The following PPP4R4 variants were observed in gnomAD, a reference collection of about 807,000 sequenced individuals.
PPP4R4 encodes the protein protein phosphatase 4 regulatory subunit 4.
Under a neutral mutation model 121.8 loss-of-function variants are expected in PPP4R4, and 70 were observed. The observed-to-expected ratio is 0.57, with a 90% confidence interval of 0.47 to 0.70. PPP4R4 has a LOEUF of 0.70. Among genes scored for constraint, PPP4R4 ranks in the 30% least tolerant of loss-of-function variants. The pLI is 0.00. For synonymous variants in PPP4R4, 348 were observed against 355.7 expected (o/e 0.98, Z 0.24); for missense variants, 875 against 1,033.6 (o/e 0.85, Z 2.10).
Position 94,244,724 on chromosome 14 carries a change from T to G in PPP4R4, c.1344+12T>G, listed in dbSNP as rs760413374. On this transcript the variant is annotated intron_variant, in intron 12 of 24. Coordinates refer to ENST00000304338, the MANE Select transcript of PPP4R4 (RefSeq NM_058237.2). ...ATGAATCACTGGAGGTAATATTTTC[T>G]TACTCTTTGATTTTTAATTCTTTTA... 5 of 1,486,378 alleles carry G rather than the reference T, an allele frequency of 3.4e-6. No homozygotes were observed. The South Asian group carries it at 4.9e-5, about 15-fold the overall frequency. The allele number at this position is 1,486,378 out of a possible 1,614,324, so 92.1% of individuals were successfully genotyped here.
At chr14:94,219,784 T>C (rs1475447879) in intron 3 of PPP4R4, among the ~76,000 whole-genome samples, 1 of 152,048 alleles carries the variant, frequency 6.6e-6, no homozygotes, top group Non-Finnish European at 1.5e-5. Context: ...TATGACAAAA[T>C]CCAACAACTA....
At chr14:94,218,707 A>G (rs1444820847) in intron 3 of PPP4R4, among the ~76,000 whole-genome samples, 1 of 129,340 alleles carries the variant, frequency 7.7e-6, no homozygotes, top group Non-Finnish European at 1.6e-5. Flanking sequence ...GCGCGCGCGC[A>G]CACACCCTCA....
chr14:94,264,856 C>A (rs1054606006), intron 19 of PPP4R4, 22 bp from the exon 20 acceptor site: 21 of 1,550,190 alleles, frequency 1.4e-5, no homozygotes, highest in Non-Finnish European at 1.7e-5. Flanking sequence ...ACCTTTAATG[C>A]AAGATACTGT....
chr14:94,202,479 G>C (rs1206633052), intron 2 of PPP4R4, among the ~76,000 whole-genome samples: 1 of 152,172 alleles, frequency 6.6e-6, no homozygotes, highest in Non-Finnish European at 1.5e-5. Context: ...TGACTTGGGG[G>C]AAAGTATTCT....
chr14:94,233,823 T>C, intron 6 of PPP4R4, 64 bp downstream of exon 6: 1 of 1,036,852 alleles, frequency 9.6e-7, no homozygotes, highest in Non-Finnish European at 1.5e-6. Context: ...ATAATGACTG[T>C]GTAACAATAT....
At chr14:94,278,586 T>A in intron 24 of PPP4R4, 33 bp from the exon 25 acceptor site, 1 of 1,460,466 alleles carries the variant, frequency 6.8e-7, no homozygotes, top group Non-Finnish European at 9.5e-7. Context: ...TTCCCCACCC[T>A]CCCTCTCTTC....
At chr14:94,193,829 T>C (rs1410324741) in intron 2 of PPP4R4, among the ~76,000 whole-genome samples, 1 of 152,220 alleles carries the variant, frequency 6.6e-6, no homozygotes, top group East Asian at 1.9e-4. Flanking sequence ...AATGGGTTGC[T>C]GATATGAAGT....
At chr14:94,264,636 T>C (rs1893943496) in intron 19 of PPP4R4, among the ~76,000 whole-genome samples, 1 of 152,184 alleles carries the variant, frequency 6.6e-6, no homozygotes, top group Non-Finnish European at 1.5e-5. Flanking sequence ...AGGGTAATTA[T>C]TACAATGATA....
intron 7 of PPP4R4, among the ~76,000 whole-genome samples, chr14:94,235,217 C>G (rs1892269088): frequency 6.6e-6 from 1 of 152,008 alleles, no homozygotes. Flanking sequence ...AAAGTCTGTA[C>G]ATGTTCAGTA....
At position 94,184,066 on chromosome 14, in the gene PPP4R4, C is replaced by T. The variant is rs1004932519; in HGVS notation, c.191+7939C>T. Reference sequence around the variant, plus strand: ...CAATTAATTCATCCCAACGCTCCCTCTTGAGAAGTAGCTAAGTGAGACACA... The same window carrying T: ...CAATTAATTCATCCCAACGCTCCCTTTTGAGAAGTAGCTAAGTGAGACACA... On this transcript the variant is annotated intron_variant, in intron 2 of 24. Coordinates refer to ENST00000304338, the MANE Select transcript of PPP4R4 (RefSeq NM_058237.2). Among the ~76,000 whole-genome samples, 10 of 152,120 alleles carry T rather than the reference C, an allele frequency of 6.6e-5. 1 individual carries two copies. Among genetic ancestry groups the T allele is most frequent in the Non-Finnish European group, 1.3e-4 (9 of 68,028 alleles).
chr14:94,260,379 T>C (rs1287960062), intron 19 of PPP4R4, among the ~76,000 whole-genome samples: 1 of 152,072 alleles, frequency 6.6e-6, no homozygotes, highest in African/African-American at 2.4e-5. Context: ...TGAACCGTGG[T>C]TGTGCCACTG....
At chr14:94,181,325 G>C (rs900316614) in intron 2 of PPP4R4, among the ~76,000 whole-genome samples, 2 of 152,084 alleles carry the variant, frequency 1.3e-5, no homozygotes, top group African/African-American at 4.8e-5. Flanking sequence ...AGGTGGTCTT[G>C]AGTGACCAGT....
intron 19 of PPP4R4, among the ~76,000 whole-genome samples, chr14:94,262,954 C>G (rs1245434394): frequency 6.6e-6 from 1 of 152,066 alleles, no homozygotes; most frequent in African/African-American, 2.4e-5. Flanking sequence ...GTCTTCTGGC[C>G]ACCATAACAT....
At chr14:94,259,460 C>A in intron 19 of PPP4R4, 91 bp downstream of exon 19, 1 of 1,355,736 alleles carries the variant, frequency 7.4e-7, no homozygotes, top group Non-Finnish European at 9.6e-7. Flanking sequence ...TCCATTTCAC[C>A]ATTTCACATT....
chr14:94,278,785 CATAATG>C lies in PPP4R4; in HGVS notation c.*144_*149del. On this transcript the variant is annotated 3_prime_UTR_variant, in exon 25 of 25. Transcript: ENST00000304338. Reference sequence around the variant, plus strand: ...TGTTGTTAATGAGCAGAAAGAGAGACATAATGACAGCTGATGTTAAACTTTTCATAT... The same window carrying C: ...TGTTGTTAATGAGCAGAAAGAGAGACACAGCTGATGTTAAACTTTTCATAT... 1 of 664,270 alleles carries C rather than the reference CATAATG, an allele frequency of 1.5e-6. No individual in the cohort carries two copies. The highest frequency in any genetic ancestry group is 2.3e-6 in the Non-Finnish European group (1 of 434,870). The allele number at this position is 664,270 out of a possible 1,614,324, so 41.1% of individuals were successfully genotyped here. A position where few individuals can be genotyped will look rare whatever the true frequency, so the allele number is the denominator to read the frequency against.
At chr14:94,270,956 C>T (rs1323601595) in intron 23 of PPP4R4, among the ~76,000 whole-genome samples, 1 of 151,290 alleles carries the variant, frequency 6.6e-6, no homozygotes, top group African/African-American at 2.4e-5. Context: ...AAAAAAGACT[C>T]AATTCAAAAC....
intron 2 of PPP4R4, among the ~76,000 whole-genome samples, chr14:94,185,065 G>T (rs1889194502): frequency 6.6e-6 from 1 of 152,174 alleles, no homozygotes; most frequent in Non-Finnish European, 1.5e-5. Context: ...CCAATTAACA[G>T]GTACTGGGAG....
intron 2 of PPP4R4, among the ~76,000 whole-genome samples, chr14:94,195,689 C>G (rs915793673): frequency 1.3e-5 from 2 of 151,740 alleles, no homozygotes; most frequent in African/African-American, 4.8e-5. Flanking sequence ...AAAAAATGTC[C>G]CTAGACCATG....
intron 23 of PPP4R4, among the ~76,000 whole-genome samples, chr14:94,267,297 G>C (rs1323136672): frequency 6.6e-6 from 1 of 152,178 alleles, no homozygotes. Flanking sequence ...TACTGGGAAG[G>C]TTTACTGAGG....
Sources: gnomAD v4.1 joint callset for allele counts (sites outside exome capture counted in the v4.1 genomes callset) on GRCh38, gnomAD v4.1.1 for gene constraint, MANE v1.5 for transcripts, NCBI Gene and HGNC (gene_info 2026-07-23, HGNC 2026-07-21) for gene names.